The following PAG1 variants were observed in gnomAD, a reference collection of about 807,000 sequenced individuals.
PAG1 encodes phosphoprotein membrane anchor with glycosphingolipid microdomains 1.
Under a neutral mutation model 31.7 loss-of-function variants are expected in PAG1, and 23 were observed. That is an observed-to-expected ratio of 0.73 (90% CI 0.52 to 1.03). The LOEUF (loss-of-function observed/expected upper bound fraction) is 1.03, where lower values mean the gene tolerates loss of function less well. PAG1 is among the 50% of genes least tolerant of loss of function. PAG1 has a pLI of 0.00. For missense variants in PAG1, 473 were observed against 540.7 expected (o/e 0.87, Z 1.24); for synonymous variants, 214 against 210.3 (o/e 1.02, Z -0.15).
At chr8:81,004,582 A>G (rs1281633732) in intron 3 of PAG1, among the ~76,000 whole-genome samples, 1 of 152,262 alleles carries the variant, frequency 6.6e-6, no homozygotes, top group East Asian at 1.9e-4. Flanking sequence ...TTCCTAATAC[A>G]GAGCTGTATT....
At position 80,980,110 on chromosome 8, in the gene PAG1, G is replaced by T. The variant is rs1586137975; in HGVS notation, c.936+325C>A. 2.0e-5 allele frequency among the ~76,000 whole-genome samples: 3 copies of T among 152,042 alleles called. No homozygotes were observed. In the East Asian group the frequency reaches 5.8e-4, roughly 29 times the overall value. On this transcript the variant is annotated intron_variant, in intron 8 of 8. Transcript: ENST00000220597. ...CCCATGATTCATTTCCTTCTGATGT[G>T]GTCTTCCTGACTGCTGACTGCTCCC...
chr8:81,020,096 T>C (rs1808137277), intron 3 of PAG1, among the ~76,000 whole-genome samples: 1 of 152,144 alleles, frequency 6.6e-6, no homozygotes, highest in Admixed American at 6.5e-5. Context: ...ATTTCTCCCA[T>C]CTGGAATGGA....
intron 2 of PAG1, among the ~76,000 whole-genome samples, chr8:81,066,188 C>T (rs1302654937): frequency 2.6e-5 from 4 of 152,166 alleles, no homozygotes; most frequent in East Asian, 1.9e-4. Context: ...TCCAATAACC[C>T]GTTGTGCATC....
rs1809786095 is a variant in PAG1 at position 81,112,066 on chromosome 8, A to AATGACAGGCGCCGAGGCGG, written c.-710_-709insCCGCCTCGGCGCCTGTCAT. 6.6e-6 allele frequency: 1 copy of AATGACAGGCGCCGAGGCGG among 151,966 alleles called. No individual in the cohort carries two copies. The highest frequency in any genetic ancestry group is 1.5e-5 in the Non-Finnish European group (1 of 67,980). The allele number at this position is 151,966 out of a possible 1,614,324, so 9.4% of individuals were successfully genotyped here. A position where few individuals can be genotyped will look rare whatever the true frequency, so the allele number is the denominator to read the frequency against. On this transcript the variant is annotated 5_prime_UTR_variant, in exon 1 of 9. Coordinates refer to ENST00000220597, the MANE Select transcript of PAG1 (RefSeq NM_018440.4). ...CAGCACTCGCCGCCGCGCCGCGGAG[A>AATGACAGGCGCCGAGGCGG]ATGACAGGCGCCGAGGCGGAGCAGC...
At chr8:81,024,037 G>A (rs1278107707) in intron 3 of PAG1, among the ~76,000 whole-genome samples, 1 of 152,144 alleles carries the variant, frequency 6.6e-6, no homozygotes, top group Admixed American at 6.5e-5. Flanking sequence ...GGGGCTTGCA[G>A]TGTTTATGTG....
chr8:80,988,292 C>T (rs1001477693), intron 5 of PAG1, among the ~76,000 whole-genome samples: 7 of 152,104 alleles, frequency 4.6e-5, no homozygotes, highest in African/African-American at 1.7e-4. Flanking sequence ...CTATGAGAAA[C>T]GTGGAAAGGC....
intron 2 of PAG1, among the ~76,000 whole-genome samples, chr8:81,064,707 C>T (rs571301756): frequency 2.0e-5 from 3 of 152,236 alleles, no homozygotes; most frequent in African/African-American, 7.2e-5. Flanking sequence ...GCAGAGACGG[C>T]AGCCTCGGTC....
At chr8:80,986,398 G>A (rs1180824053) in intron 6 of PAG1, among the ~76,000 whole-genome samples, 1 of 152,112 alleles carries the variant, frequency 6.6e-6, no homozygotes, top group Admixed American at 6.5e-5. Context: ...GTAACAGGAC[G>A]CCCTCTTACC....
chr8:81,021,998 A>T (rs534589638), intron 3 of PAG1, among the ~76,000 whole-genome samples: 2 of 152,326 alleles, frequency 1.3e-5, no homozygotes, highest in African/African-American at 4.8e-5. Flanking sequence ...TATTTGTGTA[A>T]AACATTTTCC....
At chr8:81,105,761 C>G (rs1347189557) in intron 1 of PAG1, among the ~76,000 whole-genome samples, 1 of 152,144 alleles carries the variant, frequency 6.6e-6, no homozygotes, top group Non-Finnish European at 1.5e-5. Flanking sequence ...GATGGAGTCA[C>G]AAATACAGTG....
At chr8:81,062,922 A>G (rs1457998344) in intron 2 of PAG1, among the ~76,000 whole-genome samples, 1 of 152,224 alleles carries the variant, frequency 6.6e-6, no homozygotes, top group Non-Finnish European at 1.5e-5. Context: ...TTACAAAATT[A>G]TGAGAGTTTC....
intron 3 of PAG1, among the ~76,000 whole-genome samples, chr8:81,000,754 CTT>C (rs149335537): frequency 0.049 from 7,483 of 152,252 alleles, 194 homozygotes; most frequent in East Asian, 0.095. Context: ...AAGGCAAATC[CTT>C]CACTCTGGAA....
intron 2 of PAG1, among the ~76,000 whole-genome samples, chr8:81,043,700 T>C (rs557471692): frequency 6.6e-6 from 1 of 152,338 alleles, no homozygotes; most frequent in Admixed American, 6.5e-5. Context: ...TGAGTATAGA[T>C]AGGATTCCTA....
At chr8:81,035,057 G>A (rs1808441026) in intron 2 of PAG1, among the ~76,000 whole-genome samples, 1 of 151,914 alleles carries the variant, frequency 6.6e-6, no homozygotes, top group South Asian at 2.1e-4. Flanking sequence ...GGCGGTGGGT[G>A]GGGATTTTTG....
At position 81,094,470 on chromosome 8, in the gene PAG1, G is replaced by A. The variant is rs117911491; in HGVS notation, c.-234+17121C>T. On this transcript the variant is annotated intron_variant, in intron 1 of 8. Transcript: ENST00000220597. ...AAGAAATAAATGATTCATGGCAACT[G>A]AAAGCATGACAATTTTCTGTGAGGC... Among the ~76,000 whole-genome samples the A allele has an allele frequency of 3.3e-5, 5 of 152,276 alleles. No homozygotes were observed. In the East Asian group the frequency reaches 9.6e-4, roughly 29 times the overall value.
Position 80,971,190 on chromosome 8 carries a change from T to TG in PAG1, c.*5353_*5354insC, listed in dbSNP as rs1807070127. 1 of 152,246 alleles carries TG rather than the reference T, an allele frequency of 6.6e-6. No individual in the cohort carries two copies. The highest frequency in any genetic ancestry group is 1.9e-4 in the East Asian group (1 of 5,208). The allele number at this position is 152,246 out of a possible 1,614,324, so 9.4% of individuals were successfully genotyped here. On this transcript the variant is annotated 3_prime_UTR_variant, in exon 9 of 9. Coordinates refer to ENST00000220597, the MANE Select transcript of PAG1 (RefSeq NM_018440.4). ...TCTCACTCTTTTGTGAATTGGACAA[T>TG]TTGACCATTATGAAGATCTTTTGAA...
chr8:81,040,607 A>C (rs776964115), intron 2 of PAG1, among the ~76,000 whole-genome samples: 1 of 152,254 alleles, frequency 6.6e-6, no homozygotes, highest in African/African-American at 2.4e-5. Context: ...ACCAGTTATC[A>C]TATACGACTG....
chr8:81,065,356 T>C (rs1439621842), intron 2 of PAG1, among the ~76,000 whole-genome samples: 1 of 152,194 alleles, frequency 6.6e-6, no homozygotes, highest in Non-Finnish European at 1.5e-5. Context: ...ATCAACTAGT[T>C]ACTTTCAAAC....
At chr8:81,107,587 A>G (rs145894298) in intron 1 of PAG1, among the ~76,000 whole-genome samples, 66 of 152,360 alleles carry the variant, frequency 4.3e-4, no homozygotes, top group African/African-American at 1.5e-3. Context: ...ATAATAAAGT[A>G]CTACCACACA....
Sources: allele counts gnomAD v4.1 joint callset (sites outside exome capture counted in the v4.1 genomes callset), GRCh38; gene constraint gnomAD v4.1.1; transcripts MANE v1.5; gene names NCBI Gene and HGNC (gene_info 2026-07-23, HGNC 2026-07-21).